The following USH2A variants were observed in gnomAD, a reference collection of about 807,000 sequenced individuals.
USH2A encodes usherin.
USH2A carries 443 observed loss-of-function variants against 538.9 expected under a neutral mutation model. The observed-to-expected ratio is 0.82, with a 90% CI of 0.76 to 0.89. The LOEUF (loss-of-function observed/expected upper bound fraction) is 0.89. USH2A is among the 40% of genes least tolerant of loss of function. The pLI, the probability that USH2A is intolerant of heterozygous loss-of-function variation, is 0.00. For synonymous variants in USH2A, 2,413 were observed against 2,273.5 expected, an observed-to-expected ratio of 1.06 and a Z score of -1.75; for missense variants, 6,633 against 6,324.8, an observed-to-expected ratio of 1.05 and a Z score of -1.65.
chr1:215,829,464 A>G (rs1159114772), intron 47 of USH2A, among the ~76,000 whole-genome samples: 1 of 152,222 alleles, frequency 6.6e-6, no homozygotes, highest in Admixed American at 6.5e-5. Context: ...AAAATAAACA[A>G]AGAATCTAAG....
At chr1:215,823,134 G>C (rs1272152567) in intron 47 of USH2A, among the ~76,000 whole-genome samples, 1 of 151,854 alleles carries the variant, frequency 6.6e-6, no homozygotes, top group African/African-American at 2.4e-5. Flanking sequence ...ATTTATCAGT[G>C]GGTTTACTTT....
chr1:216,122,680 C>A (rs897381366), intron 21 of USH2A, among the ~76,000 whole-genome samples: 1 of 152,122 alleles, frequency 6.6e-6, no homozygotes. Context: ...AGGCCAGATT[C>A]TTCTGCAAGA....
In USH2A at chr1:215,732,414, C is replaced by G. The variant is rs575183309; in HGVS notation, c.11712-4030G>C. 4.6e-5 allele frequency among the ~76,000 whole-genome samples: 7 copies of G among 152,182 alleles called. No individual in the cohort carries two copies. The East Asian group carries it at 1.4e-3, about 29-fold the overall frequency. ...GAAATTTCTAGTCCCATTTTATATT[C>G]TAGTTATCATCAAATGCTTGACTAT... On this transcript the variant is annotated intron_variant, in intron 60 of 71. Transcript: ENST00000307340.
rs529943295 is a variant in USH2A at position 215,881,283 on chromosome 1, C to T, written c.8224-2185G>A. On this transcript the variant is annotated intron_variant, in intron 41 of 71. Coordinates refer to ENST00000307340, the MANE Select transcript of USH2A (RefSeq NM_206933.4). ...AGCCCCCTGAGTGGCTAGGAGTATA[C>T]GCGTGTGCTACCACACCCGGCTAAT... Among the ~76,000 whole-genome samples, 10 of 152,164 alleles carry T rather than the reference C, an allele frequency of 6.6e-5. No homozygotes were observed. In the South Asian group the frequency reaches 8.3e-4, roughly 13 times the overall value.
intron 31 of USH2A, among the ~76,000 whole-genome samples, chr1:216,047,579 A>C (rs905887374): frequency 6.6e-6 from 1 of 152,202 alleles, no homozygotes; most frequent in Non-Finnish European, 1.5e-5. Context: ...AAAGTCATTT[A>C]TCCTGTCCTG....
At chr1:215,715,202 T>C (rs1298311711) in intron 61 of USH2A, among the ~76,000 whole-genome samples, 1 of 152,178 alleles carries the variant, frequency 6.6e-6, no homozygotes, top group Non-Finnish European at 1.5e-5. Context: ...TGTGTTCTCA[T>C]TGTTCAGCTC....
intron 61 of USH2A, among the ~76,000 whole-genome samples, chr1:215,709,432 C>G (rs1161270793): frequency 6.6e-6 from 1 of 151,926 alleles, no homozygotes; most frequent in African/African-American, 2.4e-5. Context: ...GATCGCTGAC[C>G]TGTATTAATG....
intron 21 of USH2A, among the ~76,000 whole-genome samples, chr1:216,135,974 A>G (rs964096904): frequency 3.9e-5 from 6 of 152,046 alleles, no homozygotes; most frequent in Admixed American, 3.3e-4. Context: ...GAAGTCTACC[A>G]TCTTAAGTAT....
intron 21 of USH2A, among the ~76,000 whole-genome samples, chr1:216,172,035 A>T (rs2034284895): frequency 6.6e-6 from 1 of 152,068 alleles, no homozygotes. Context: ...GCCCAAAGGT[A>T]GATATTGACA....
chr1:216,123,746 C>A (rs999956597), intron 21 of USH2A, among the ~76,000 whole-genome samples: 1 of 151,998 alleles, frequency 6.6e-6, no homozygotes, highest in African/African-American at 2.4e-5. Context: ...AGATTCAAAC[C>A]CAGAAATGTG....
rs111388822 is a variant in USH2A, at chr1:215,641,805, T to C, written c.14792-1071A>G. ...AATAATTATGCTTTTGTAATTGTAA[T>C]ATTCAACCGTAAAGACACAGTTGAT... On this transcript the variant is annotated intron_variant, in intron 67 of 71. Transcript: ENST00000307340. Among the ~76,000 whole-genome samples the C allele has an allele frequency of 1.5e-3, 225 of 152,346 alleles. 1 individual carries two copies. The highest frequency in any genetic ancestry group is 5.3e-3 in the African/African-American group (220 of 41,578).
intron 35 of USH2A, among the ~76,000 whole-genome samples, chr1:215,991,653 C>T (rs1668007312): frequency 2.0e-5 from 3 of 152,178 alleles, no homozygotes. Flanking sequence ...TTTAAAACTG[C>T]TTGCAAATAT....
chr1:216,323,792 A>C, intron 7 of USH2A, 97 bp from the exon 8 acceptor site: 1 of 1,126,452 alleles, frequency 8.9e-7, no homozygotes, highest in Non-Finnish European at 1.3e-6. Context: ...GTATCAATAA[A>C]AGCTTAAATT....
intron 21 of USH2A, among the ~76,000 whole-genome samples, chr1:216,107,540 A>G (rs2032763466): frequency 7.7e-6 from 1 of 130,182 alleles, no homozygotes; most frequent in African/African-American, 2.6e-5. Context: ...CACCCTTTGT[A>G]AGTCTTGCTT....
At chr1:216,130,561 T>C (rs199869825) in intron 21 of USH2A, among the ~76,000 whole-genome samples, 48 of 145,542 alleles carry the variant, frequency 3.3e-4, no homozygotes, top group African/African-American at 1.2e-3. Flanking sequence ...TTATATATAT[T>C]ATATATAATA....
At chr1:215,834,964 C>T (rs1039002856) in intron 47 of USH2A, among the ~76,000 whole-genome samples, 5 of 151,534 alleles carry the variant, frequency 3.3e-5, no homozygotes, top group African/African-American at 1.2e-4. Context: ...GCTTTTCACC[C>T]TTTTAATTTC....
At chr1:215,638,602 G>A (rs1474692020) in intron 69 of USH2A, among the ~76,000 whole-genome samples, 40 of 131,522 alleles carry the variant, frequency 3.0e-4, no homozygotes, top group African/African-American at 1.1e-3. Flanking sequence ...CTGGGCAACA[G>A]AGTAAGACTC....
chr1:215,738,416 A>T (rs1037295240), intron 60 of USH2A, among the ~76,000 whole-genome samples: 1 of 152,128 alleles, frequency 6.6e-6, no homozygotes, highest in African/African-American at 2.4e-5. Flanking sequence ...CAGATAAACT[A>T]AGCAGAGGGA....
chr1:215,630,002 C>G (rs1260941996), intron 70 of USH2A: 2 of 460,864 alleles, frequency 4.3e-6, no homozygotes, highest in Non-Finnish European at 8.5e-6. Context: ...GTCTCGATCT[C>G]CTGACCTTGT....
Sources: allele counts gnomAD v4.1 joint callset (sites outside exome capture counted in the v4.1 genomes callset), GRCh38; gene constraint gnomAD v4.1.1; transcripts MANE v1.5; gene names NCBI Gene and HGNC (gene_info 2026-07-23, HGNC 2026-07-21).